The following INTS9 variants were observed in gnomAD, a reference collection of about 807,000 sequenced individuals.
INTS9 encodes protein related to CPSF subunits of 74 kDa.
INTS9 carries 55 observed loss-of-function variants against 79.7 expected under a neutral mutation model. The observed-to-expected ratio is 0.69, with a 90% CI of 0.56 to 0.86. INTS9 has a LOEUF of 0.86. Among genes scored for constraint, INTS9 ranks in the 40% least tolerant of loss-of-function variants. INTS9 has a pLI of 0.00. For missense variants in INTS9, 721 were observed against 831.5 expected (o/e 0.87, Z 1.64); for synonymous variants, 319 against 325.2 (o/e 0.98, Z 0.20).
chr8:28,875,211 T>C (rs1474032679), intron 1 of INTS9, among the ~76,000 whole-genome samples: 1 of 152,202 alleles, frequency 6.6e-6, no homozygotes, highest in Non-Finnish European at 1.5e-5. Flanking sequence ...TAGTTGATAT[T>C]CTGAACTATC....
At chr8:28,772,927 A>G (rs1388269651) in intron 14 of INTS9, among the ~76,000 whole-genome samples, 2 of 152,260 alleles carry the variant, frequency 1.3e-5, no homozygotes, top group Non-Finnish European at 2.9e-5. Context: ...AATATTAGCA[A>G]GGAGGCAGAA....
intron 14 of INTS9, among the ~76,000 whole-genome samples, chr8:28,772,508 G>A (rs761525710): frequency 4.1e-4 from 63 of 152,130 alleles, no homozygotes; most frequent in South Asian, 1.0e-3. Flanking sequence ...GCAAGACTCC[G>A]TCTCAAAAAA....
intron 10 of INTS9, among the ~76,000 whole-genome samples, chr8:28,791,716 C>T (rs1302905448): frequency 6.6e-6 from 1 of 152,188 alleles, no homozygotes; most frequent in Non-Finnish European, 1.5e-5. Context: ...GTACAGATTC[C>T]TCAAGGTCAG....
At chr8:28,869,280 A>C (rs1174864294) in intron 1 of INTS9, among the ~76,000 whole-genome samples, 1 of 152,146 alleles carries the variant, frequency 6.6e-6, no homozygotes, top group Non-Finnish European at 1.5e-5. Flanking sequence ...GGGCTCCAGC[A>C]AGTGATCTGC....
intron 1 of INTS9, among the ~76,000 whole-genome samples, chr8:28,861,799 T>C (rs1361915774): frequency 6.6e-6 from 1 of 152,266 alleles, no homozygotes; most frequent in Non-Finnish European, 1.5e-5. Flanking sequence ...GTTACTGTCC[T>C]TAAAGGCCAA....
chr8:28,889,162 T>C (rs1810407734), intron 1 of INTS9, among the ~76,000 whole-genome samples: 1 of 152,206 alleles, frequency 6.6e-6, no homozygotes, highest in Non-Finnish European at 1.5e-5. Flanking sequence ...GTGTGCACAA[T>C]GAGTCAAATG....
chr8:28,797,528 C>T (rs955355968), intron 8 of INTS9, among the ~76,000 whole-genome samples: 4 of 152,170 alleles, frequency 2.6e-5, no homozygotes, highest in Non-Finnish European at 4.4e-5. Flanking sequence ...ACTAGGAACT[C>T]CCAGGGCACA....
chr8:28,775,629 G>A (rs1802819717), intron 14 of INTS9, 130 bp downstream of exon 14: 7 of 997,528 alleles, frequency 7.0e-6, no homozygotes, highest in Non-Finnish European at 1.0e-5. Context: ...TGGGATTATA[G>A]GCGTGAGCTA....
chr8:28,790,022 C>A (rs901148329), intron 10 of INTS9, among the ~76,000 whole-genome samples: 1 of 152,194 alleles, frequency 6.6e-6, no homozygotes, highest in Middle Eastern at 3.2e-3. Context: ...CCCCTTAGCT[C>A]GGAGCAAGGG....
intron 8 of INTS9, chr8:28,798,190 C>T (rs938596416): frequency 1.3e-5 from 2 of 152,254 alleles, no homozygotes; most frequent in African/African-American, 2.4e-5. Context: ...CCAACAAATA[C>T]ATATGCATCC....
chr8:28,872,571 C>T (rs1809154016), intron 1 of INTS9, among the ~76,000 whole-genome samples: 1 of 151,876 alleles, frequency 6.6e-6, no homozygotes, highest in African/African-American at 2.4e-5. Context: ...AAGTAGTGTA[C>T]ACAACTTTCT....
chr8:28,768,385 G>A (rs1802331775), intron 16 of INTS9, 63 bp from the exon 17 acceptor site: 2 of 1,472,096 alleles, frequency 1.4e-6, no homozygotes, highest in Admixed American at 1.7e-5. Flanking sequence ...ATCTGTAAAT[G>A]ACACTTCACA....
In INTS9 at chr8:28,788,562, G is replaced by A. The variant is rs539339745; in HGVS notation, c.1038-673C>T. On this transcript the variant is annotated intron_variant, in intron 10 of 16. Coordinates refer to ENST00000521022, the MANE Select transcript of INTS9 (RefSeq NM_018250.4). Reference sequence around the variant, plus strand: ...GCCTCCCAAGTAGCTGGGATTACAGGCACCTGCCACCACACTCGGCGAATT... The same window carrying A: ...GCCTCCCAAGTAGCTGGGATTACAGACACCTGCCACCACACTCGGCGAATT... 8.5e-4 allele frequency among the ~76,000 whole-genome samples: 130 copies of A among 152,272 alleles called. 1 individual carries two copies. Among genetic ancestry groups the A allele is most frequent in the African/African-American group, 2.8e-3 (117 of 41,540 alleles).
intron 2 of INTS9, among the ~76,000 whole-genome samples, chr8:28,856,476 CG>C: frequency 6.6e-6 from 1 of 152,114 alleles, no homozygotes; most frequent in Middle Eastern, 3.4e-3. Context: ...AGCTGGAGTG[CG>C]GTGGCACAAT....
intron 9 of INTS9, among the ~76,000 whole-genome samples, chr8:28,796,304 G>A (rs1484261243): frequency 6.6e-6 from 1 of 152,126 alleles, no homozygotes; most frequent in Non-Finnish European, 1.5e-5. Flanking sequence ...AGAAGACTCT[G>A]TCTCAAAAAC....
chr8:28,847,600 T>G (rs542686701), intron 3 of INTS9, among the ~76,000 whole-genome samples: 5 of 152,344 alleles, frequency 3.3e-5, no homozygotes, highest in African/African-American at 7.2e-5. Flanking sequence ...CCAAATGTAT[T>G]TATTCAAAAG....
At chr8:28,877,583 G>A (rs1809465515) in intron 1 of INTS9, among the ~76,000 whole-genome samples, 1 of 152,092 alleles carries the variant, frequency 6.6e-6, no homozygotes, top group African/African-American at 2.4e-5. Flanking sequence ...TCCCTAAGAG[G>A]CTCAAAAAGG....
chr8:28,783,155 AAAAAAAAAAAAAAAG>A (rs1165407143), intron 11 of INTS9, among the ~76,000 whole-genome samples: 1 of 55,876 alleles, frequency 1.8e-5, no homozygotes, highest in East Asian at 3.0e-4. Context: ...AAAAAAAAAA[AAAAAAAAAAAAAAAG>A]AAGCAGGTGC....
chr8:28,813,198 C>G (rs968755553), intron 7 of INTS9, among the ~76,000 whole-genome samples: 1 of 152,170 alleles, frequency 6.6e-6, no homozygotes, highest in African/African-American at 2.4e-5. Context: ...ACAAACTCTT[C>G]TCTCTTCCCG....
Sources: allele counts gnomAD v4.1 joint callset (sites outside exome capture counted in the v4.1 genomes callset), GRCh38; gene constraint gnomAD v4.1.1; transcripts MANE v1.5; gene names NCBI Gene and HGNC (gene_info 2026-07-23, HGNC 2026-07-21).